GNA12: variants seen among roughly 807,000 people sequenced by gnomAD.
The protein encoded by GNA12 is guanine nucleotide-binding protein subunit alpha-12.
A neutral mutation model predicts 26.0 loss-of-function variants in GNA12; 9 were observed. The ratio of observed to expected loss-of-function variants is 0.35; its 90% CI spans 0.21 to 0.60. The LOEUF (loss-of-function observed/expected upper bound fraction) is 0.60, where lower values mean the gene tolerates loss of function less well. Among genes scored for constraint, GNA12 ranks in the 20% least tolerant of loss-of-function variants. GNA12 has a pLI of 0.78. For synonymous variants in GNA12, 264 were observed against 219.6 expected, an observed-to-expected ratio of 1.20 and a Z score of -1.79; for missense variants, 405 against 525.8, an observed-to-expected ratio of 0.77 and a Z score of 2.25.
chr7:2,828,858 C>A (rs1015087386), intron 1 of GNA12, among the ~76,000 whole-genome samples: 5 of 152,098 alleles, frequency 3.3e-5, no homozygotes, highest in Non-Finnish European at 4.4e-5. Context: ...GAGTTTGAGA[C>A]CAGCCTGGGC....
chr7:2,815,903 G>C (rs1394011382), intron 1 of GNA12, among the ~76,000 whole-genome samples: 1 of 152,234 alleles, frequency 6.6e-6, no homozygotes, highest in African/African-American at 2.4e-5. Context: ...CTGAAAATAA[G>C]GGAGATAGTT....
At chr7:2,834,901 C>G (rs1778787005) in intron 1 of GNA12, among the ~76,000 whole-genome samples, 1 of 152,132 alleles carries the variant, frequency 6.6e-6, no homozygotes, top group Non-Finnish European at 1.5e-5. Flanking sequence ...AAGAACCTCA[C>G]CTAACGATGC....
At chr7:2,810,416 A>G (rs1294619868) in intron 1 of GNA12, among the ~76,000 whole-genome samples, 1 of 152,204 alleles carries the variant, frequency 6.6e-6, no homozygotes, top group Non-Finnish European at 1.5e-5. Context: ...GGATTTCAAC[A>G]TAGGAATTTT....
chr7:2,763,191 A>AACACACACACACACACACACACAC lies in GNA12; in HGVS notation c.526-29714_526-29691dup, dbSNP rs56384682. The AACACACACACACACACACACACAC allele has an allele frequency of 6.1e-4, 135 of 222,716 alleles. 2 individuals carry two copies. The highest frequency in any genetic ancestry group is 2.3e-3 in the African/African-American group (84 of 37,026). The allele number at this position is 222,716 out of a possible 1,614,324, so 13.8% of individuals were successfully genotyped here. On this transcript the variant is annotated intron_variant, in intron 2 of 3. Transcript: ENST00000275364. ...TTAGCAGGACTTCACAAGACACCCC[A>AACACACACACACACACACACACAC]ACACACACACACACACACACACACA... is the stretch of plus-strand genomic sequence containing the variant.
intron 2 of GNA12, among the ~76,000 whole-genome samples, chr7:2,737,274 G>GGTTTT (rs1790242460): frequency 2.9e-5 from 1 of 35,032 alleles, no homozygotes; most frequent in Non-Finnish European, 5.9e-5. Context: ...GTTTTGTTTT[G>GGTTTT]TTTTTTTTTT....
At chr7:2,732,193 ATTCT>A (rs1789931179) in intron 3 of GNA12, among the ~76,000 whole-genome samples, 1 of 152,132 alleles carries the variant, frequency 6.6e-6, no homozygotes, top group Admixed American at 6.6e-5. Flanking sequence ...TTCTTAGACA[ATTCT>A]TTAAGTCTTT....
chr7:2,731,136 G>T lies in GNA12; in HGVS notation c.*45C>A. 1.5e-6 allele frequency: 2 copies of T among 1,334,528 alleles called. No homozygotes were observed. The highest frequency in any genetic ancestry group is 1.1e-6 in the Non-Finnish European group (1 of 946,232). 82.7% of individuals were successfully genotyped at this position (1,334,528 alleles called of 1,614,324 possible). A position where few individuals can be genotyped will look rare whatever the true frequency, so the allele number is the denominator to read the frequency against. ...CACACACCCAAGAGTCTGACCGACA[G>T]CCGTGGGGGCTGCTCAACGACGACA... On this transcript the variant is annotated 3_prime_UTR_variant, in exon 4 of 4. Transcript: ENST00000275364. This position sits in a 1 kb window ranked among gnomAD's most constrained non-coding sequence, Gnocchi z 6.0.
intron 2 of GNA12, among the ~76,000 whole-genome samples, chr7:2,755,220 T>A (rs1348817181): frequency 6.6e-6 from 1 of 152,200 alleles, no homozygotes; most frequent in Non-Finnish European, 1.5e-5. Flanking sequence ...ACTTTATTCT[T>A]TTTCAAACAT....
chr7:2,802,555 A>G (rs1052977950), intron 1 of GNA12, among the ~76,000 whole-genome samples: 1 of 152,166 alleles, frequency 6.6e-6, no homozygotes, highest in African/African-American at 2.4e-5. Flanking sequence ...TAAATACCAA[A>G]GCTACGATAG....
chr7:2,829,731 GGGACGGTGTTTC>G (rs1466298335), intron 1 of GNA12, among the ~76,000 whole-genome samples: 2 of 151,962 alleles, frequency 1.3e-5, no homozygotes, highest in African/African-American at 2.4e-5. Context: ...CTTTTCTTTA[GGGACGGTGTTTC>G]GGAGCTGCCA....
At chr7:2,762,377 G>T (rs995344417) in intron 2 of GNA12, 7 of 439,424 alleles carry the variant, frequency 1.6e-5, no homozygotes, top group Non-Finnish European at 2.4e-5. Flanking sequence ...ACGGTATGGC[G>T]GTTCCCACTT....
intron 2 of GNA12, among the ~76,000 whole-genome samples, chr7:2,792,790 A>C (rs765951843): frequency 1.3e-5 from 2 of 152,210 alleles, no homozygotes; most frequent in African/African-American, 4.8e-5. Context: ...TGCAGATGGA[A>C]AGGGGCTAGT....
At chr7:2,795,227 T>C in intron 1 of GNA12, 84 bp from the exon 2 acceptor site, 4 of 1,003,894 alleles carry the variant, frequency 4.0e-6, no homozygotes, top group Non-Finnish European at 6.2e-6. Flanking sequence ...GGGCATCCAT[T>C]GTCATAACGC....
At chr7:2,781,028 G>A (rs995686370) in intron 2 of GNA12, among the ~76,000 whole-genome samples, 5 of 152,186 alleles carry the variant, frequency 3.3e-5, no homozygotes, top group South Asian at 2.1e-4. Flanking sequence ...GCATTGTCAC[G>A]TTTTAATTTT....
chr7:2,732,770 G>A (rs1358880085), intron 3 of GNA12, among the ~76,000 whole-genome samples: 1 of 152,086 alleles, frequency 6.6e-6, no homozygotes, highest in Non-Finnish European at 1.5e-5. Flanking sequence ...AAACCCTACA[G>A]GATAAATAAT....
intron 2 of GNA12, chr7:2,762,215 G>A (rs1215994038): frequency 5.7e-6 from 1 of 175,388 alleles, no homozygotes; most frequent in South Asian, 2.0e-4. Context: ...AGGAGAAGTT[G>A]TAAGGGCTTC....
intron 1 of GNA12, among the ~76,000 whole-genome samples, chr7:2,799,798 C>G (rs1412787759): frequency 2.0e-5 from 3 of 152,076 alleles, no homozygotes; most frequent in African/African-American, 4.8e-5. Context: ...AAAAGCAGAT[C>G]GAGACCTCAG....
At chr7:2,801,474 C>G (rs143131482) in intron 1 of GNA12, among the ~76,000 whole-genome samples, 1 of 152,150 alleles carries the variant, frequency 6.6e-6, no homozygotes, top group African/African-American at 2.4e-5. Context: ...AACACACACA[C>G]GCAAAACTGG....
At chr7:2,758,193 T>C (rs1339545555) in intron 2 of GNA12, among the ~76,000 whole-genome samples, 2 of 152,176 alleles carry the variant, frequency 1.3e-5, no homozygotes, top group African/African-American at 2.4e-5. Context: ...CTATCGATGC[T>C]TACAGTATTA....
Sources: gnomAD v4.1 joint callset for allele counts (sites outside exome capture counted in the v4.1 genomes callset) on GRCh38, gnomAD v4.1.1 for gene constraint, Gnocchi (gnomAD v3.1) non-coding constraint, MANE v1.5 for transcripts, NCBI Gene and HGNC (gene_info 2026-07-23, HGNC 2026-07-21) for gene names.